Variants in PPARA observed in about 807,000 individuals in gnomAD.
PPARA encodes peroxisome proliferator-activated receptor alpha.
A neutral mutation model predicts 42.2 loss-of-function variants in PPARA; 22 were observed. That is an observed-to-expected ratio of 0.52 (90% CI 0.37 to 0.74). The LOEUF (loss-of-function observed/expected upper bound fraction) is 0.74. PPARA is among the 30% of genes least tolerant of loss of function. The probability of loss-of-function intolerance (pLI) is 0.00; values close to 1 mark genes in which losing one functional copy is unlikely to be tolerated. For synonymous variants in PPARA, 242 were observed against 239.3 expected, an observed-to-expected ratio of 1.01 and a Z score of -0.10; for missense variants, 465 against 608.2, an observed-to-expected ratio of 0.76 and a Z score of 2.48.
chr22:46,215,264 C>A lies in PPARA; in HGVS notation c.300C>A (p.Ile100=). ...AGTCTCCCAGTGGAGCATTGAACAT[C>A]GAATGTAGAATCTGCGGGGACAAGG... The part of the protein sequence containing the change: ...VDESPSGALN[I]ECRICGDKAS... Residue 100 remains isoleucine, a synonymous_variant, in exon 5 of 9, where the codon ATC becomes ATA. Transcript: ENST00000407236. 3 of 1,614,124 alleles carry A rather than the reference C, an allele frequency of 1.9e-6. No individual in the cohort carries two copies. Among genetic ancestry groups the A allele is most frequent in the Non-Finnish European group, 2.5e-6 (3 of 1,180,034 alleles).
chr22:46,208,172 G>C (rs934379916), intron 4 of PPARA, among the ~76,000 whole-genome samples: 18 of 152,016 alleles, frequency 1.2e-4, no homozygotes, highest in Middle Eastern at 3.4e-3. Flanking sequence ...TGATGTTTTG[G>C]TCTATGTTTA....
chr22:46,202,364 C>G (rs757843974), intron 4 of PPARA, among the ~76,000 whole-genome samples: 1 of 152,176 alleles, frequency 6.6e-6, no homozygotes, highest in African/African-American at 2.4e-5. Context: ...TTCCTGCATA[C>G]TAGCCTTGTG....
At position 46,211,837 on chromosome 22, in the gene PPARA, C is replaced by T. The variant is rs1379738532; in HGVS notation, c.209-3336C>T. ...AGTAGCTGGGACTACAGGCACGCAC[C>T]ACCACCCCTGGCTAACTTTTTGTAT... is the stretch of plus-strand genomic sequence containing the variant. On this transcript the variant is annotated intron_variant, in intron 4 of 8. Coordinates refer to ENST00000407236, the MANE Select transcript of PPARA (RefSeq NM_005036.6). This position sits in a 1 kb window ranked among gnomAD's most constrained non-coding sequence, Gnocchi z 4.1. Among the ~76,000 whole-genome samples, 1 of 152,046 alleles carries T rather than the reference C, an allele frequency of 6.6e-6. No individual in the cohort carries two copies. Among genetic ancestry groups the T allele is most frequent in the Non-Finnish European group, 1.5e-5 (1 of 68,012 alleles).
At position 46,183,325 on chromosome 22, in the gene PPARA, C is replaced by A. The variant is rs1379652360; in HGVS notation, c.-43+6489C>A. ...GTTTTAAAAACACATTAGAATAATA[C>A]TACATTTTCCCTCATCTCTAAACTT... On this transcript the variant is annotated intron_variant, in intron 3 of 8. Coordinates refer to ENST00000407236, the MANE Select transcript of PPARA (RefSeq NM_005036.6). This position sits in a 1 kb window ranked among gnomAD's most constrained non-coding sequence, Gnocchi z 5.5. 6.6e-6 allele frequency among the ~76,000 whole-genome samples: 1 copy of A among 152,206 alleles called. No homozygotes were observed. Among genetic ancestry groups the A allele is most frequent in the Non-Finnish European group, 1.5e-5 (1 of 68,042 alleles).
rs930429060 is a variant in PPARA, at chr22:46,232,992, A to AAAAAC, written c.1159+757_1159+758insCAAAA. 2.9e-5 allele frequency among the ~76,000 whole-genome samples: 4 copies of AAAAAC among 135,670 alleles called. No homozygotes were observed. The highest frequency in any genetic ancestry group is 1.4e-4 in the Admixed American group (2 of 14,530). The allele number at this position is 135,670 out of a possible 152,430, so 89.0% of individuals were successfully genotyped here. ...GAATGACCCTGTCTCAAAAAAAAAA[A>AAAAAC]AAAAAAAAATTATACACACACACAC... On this transcript the variant is annotated intron_variant, in intron 8 of 8. Coordinates refer to ENST00000407236, the MANE Select transcript of PPARA (RefSeq NM_005036.6). This position sits in a 1 kb window ranked among gnomAD's most constrained non-coding sequence, Gnocchi z 5.3.
intron 4 of PPARA, among the ~76,000 whole-genome samples, chr22:46,207,681 T>TATTA (rs1569228322): frequency 5.4e-5 from 6 of 111,444 alleles, no homozygotes; most frequent in African/African-American, 2.8e-4. Context: ...ATTATTATTT[T>TATTA]TTTTTTTTTT....
intron 2 of PPARA, among the ~76,000 whole-genome samples, chr22:46,174,186 AAGAAAGAG>A (rs1184223633): frequency 7.3e-5 from 7 of 96,372 alleles, no homozygotes; most frequent in African/African-American, 1.1e-4. Flanking sequence ...TGAAAGAAGG[AAGAAAGAG>A]AGAGAGAGAG....
chr22:46,194,465 C>T (rs1412265182), intron 3 of PPARA, among the ~76,000 whole-genome samples: 4 of 152,056 alleles, frequency 2.6e-5, no homozygotes, highest in Non-Finnish European at 5.9e-5. Context: ...AAGGCATAGG[C>T]CACATGCATT....
intron 7 of PPARA, among the ~76,000 whole-genome samples, chr22:46,226,158 C>CAT (rs10570542): frequency 0.082 from 12,458 of 151,474 alleles, 678 homozygotes; most frequent in Non-Finnish European, 0.12. Flanking sequence ...AGCATGCACA[C>CAT]ATATATATAT....
At chr22:46,213,706 C>T (rs1481151652) in intron 4 of PPARA, among the ~76,000 whole-genome samples, 1 of 152,076 alleles carries the variant, frequency 6.6e-6, no homozygotes, top group African/African-American at 2.4e-5. Flanking sequence ...TCTCCTGCCT[C>T]AGCCTCCCGA....
intron 1 of PPARA, among the ~76,000 whole-genome samples, chr22:46,151,570 A>G (rs1924438641): frequency 6.6e-6 from 1 of 152,274 alleles, no homozygotes; most frequent in South Asian, 2.1e-4. Context: ...TCCAAGTGTC[A>G]GGATTCTTTC....
At chr22:46,201,954 C>G (rs1270458190) in intron 4 of PPARA, among the ~76,000 whole-genome samples, 1 of 152,212 alleles carries the variant, frequency 6.6e-6, no homozygotes, top group African/African-American at 2.4e-5. Context: ...CAGGCTCCCG[C>G]AGCCCCACCC....
chr22:46,179,915 C>G (rs951921553), intron 3 of PPARA, among the ~76,000 whole-genome samples: 1 of 152,180 alleles, frequency 6.6e-6, no homozygotes, highest in Middle Eastern at 3.2e-3. Context: ...TGAACAAACA[C>G]ATTGTCAAAG....
At position 46,235,231 on chromosome 22, in the gene PPARA, A is replaced by C; in HGVS notation, c.1258A>C (p.Ile420Leu). 1 of 1,614,104 alleles carries C rather than the reference A, an allele frequency of 6.2e-7. No homozygotes were observed. Among genetic ancestry groups the C allele is most frequent in the Non-Finnish European group, 8.5e-7 (1 of 1,180,036 alleles). ...LHLQSNHPDD[I>L]FLFPKLLQKM... ...CCTGCAGAGCAACCACCCGGACGAT[A>C]TCTTTCTCTTCCCAAAACTTCTTCA... Residue 420 changes from isoleucine (I) to leucine (L), a missense_variant, in exon 9 of 9, where the codon ATC becomes CTC. Ile to Leu is a conservative substitution (Grantham distance 5). This residue lies in a region of PPARA where 313 missense variants were observed against 469.1 expected (regional missense o/e 0.67). Coordinates refer to ENST00000407236, the MANE Select transcript of PPARA (RefSeq NM_005036.6). This position sits in a 1 kb window ranked among gnomAD's most constrained non-coding sequence, Gnocchi z 7.0.
At position 46,225,507 on chromosome 22, in the gene PPARA, A is replaced by T. The variant is rs1272463249; in HGVS notation, c.711+5493A>T. Among the ~76,000 whole-genome samples, 1 of 152,148 alleles carries T rather than the reference A, an allele frequency of 6.6e-6. No homozygotes were observed. The highest frequency in any genetic ancestry group is 1.5e-5 in the Non-Finnish European group (1 of 68,008). On this transcript the variant is annotated intron_variant, in intron 7 of 8. Coordinates refer to ENST00000407236, the MANE Select transcript of PPARA (RefSeq NM_005036.6). The surrounding 1 kb of genome is among the most constrained non-coding windows in gnomAD (Gnocchi z 4.1). ...GTGATGCACGCTCATGCACAAATGC[A>T]CGCACATACCCACACTCACACATCC... is the stretch of plus-strand genomic sequence containing the variant.
Position 46,235,620 on chromosome 22 carries a change from C to A in PPARA, c.*240C>A. 1.8e-6 allele frequency: 1 copy of A among 545,130 alleles called. No homozygotes were observed. The highest frequency in any genetic ancestry group is 3.3e-6 in the Non-Finnish European group (1 of 303,770). 33.8% of individuals were successfully genotyped at this position (545,130 alleles called of 1,614,324 possible). A position where few individuals can be genotyped will look rare whatever the true frequency, so the allele number is the denominator to read the frequency against. ...AATCTCAGGACTGGGAAGATTACGG[C>A]GAATTATGCTCAATGGTCTGATTTT... On this transcript the variant is annotated 3_prime_UTR_variant, in exon 9 of 9. Coordinates refer to ENST00000407236, the MANE Select transcript of PPARA (RefSeq NM_005036.6). The surrounding 1 kb of genome is among the most constrained non-coding windows in gnomAD (Gnocchi z 7.0).
intron 4 of PPARA, among the ~76,000 whole-genome samples, chr22:46,208,547 CAA>C (rs61164866): frequency 0.011 from 1,173 of 105,578 alleles, 15 homozygotes; most frequent in African/African-American, 0.04. Flanking sequence ...GACTCCATCT[CAA>C]AAAAAAAAAA....
Position 46,219,347 on chromosome 22 carries a change from G to A in PPARA, c.509-465G>A, listed in dbSNP as rs576377234. Among the ~76,000 whole-genome samples, 3 of 152,252 alleles carry A rather than the reference G, an allele frequency of 2.0e-5. No homozygotes were observed. The highest frequency in any genetic ancestry group is 7.2e-5 in the African/African-American group (3 of 41,544). Reference sequence around the variant, plus strand: ...TGTACCACCTCAAACATCTCACCACGTTATGAATTTCCTTCTAGCCAATCA... The same window carrying A: ...TGTACCACCTCAAACATCTCACCACATTATGAATTTCCTTCTAGCCAATCA... On this transcript the variant is annotated intron_variant, in intron 6 of 8. Transcript: ENST00000407236. The surrounding 1 kb of genome is among the most constrained non-coding windows in gnomAD (Gnocchi z 4.8).
intron 4 of PPARA, among the ~76,000 whole-genome samples, chr22:46,205,337 C>T (rs920627389): frequency 6.6e-6 from 1 of 150,716 alleles, no homozygotes; most frequent in African/African-American, 2.4e-5. Context: ...CTACTTCAGC[C>T]TCCCAAGTAG....
Sources: allele counts gnomAD v4.1 joint callset (sites outside exome capture counted in the v4.1 genomes callset), GRCh38; gene constraint gnomAD v4.1.1; regional missense constraint gnomAD v4.1.1; non-coding constraint Gnocchi (gnomAD v3.1); transcripts MANE v1.5; gene names NCBI Gene and HGNC (gene_info 2026-07-23, HGNC 2026-07-21).